Variants in ABCC12 observed in about 807,000 individuals in gnomAD.
The protein encoded by ABCC12 is ATP binding cassette subfamily C member 12.
A neutral mutation model predicts 151.1 loss-of-function variants in ABCC12; 142 were observed. That is an observed-to-expected ratio of 0.94 (90% CI 0.82 to 1.08). The LOEUF (loss-of-function observed/expected upper bound fraction) is 1.08. Among genes scored for constraint, ABCC12 ranks in the 50% least tolerant of loss-of-function variants. The pLI is 0.00. For missense variants in ABCC12, 1,638 were observed against 1,691.1 expected (o/e 0.97, Z 0.55); for synonymous variants, 645 against 646.4 (o/e 1.00, Z 0.03).
At chr16:48,131,015 A>C in intron 9 of ABCC12, 120 bp from the exon 10 acceptor site, 1 of 676,870 alleles carries the variant, frequency 1.5e-6, no homozygotes, top group East Asian at 2.7e-5. Context: ...TGGAATGTGC[A>C]GAGGAACAAT....
At chr16:48,142,115 C>T (rs1964837113) in intron 4 of ABCC12, among the ~76,000 whole-genome samples, 1 of 152,082 alleles carries the variant, frequency 6.6e-6, no homozygotes, top group Non-Finnish European at 1.5e-5. Context: ...AGTTTTCGGG[C>T]TTGGCCAACT....
rs755407113 is a variant in ABCC12 at position 48,108,483 on chromosome 16, G to A, written c.2328C>T (p.Thr776=). 7.4e-6 allele frequency: 12 copies of A among 1,614,010 alleles called. No individual in the cohort carries two copies. The highest frequency in any genetic ancestry group is 4.4e-5 in the South Asian group (4 of 91,080). The change falls in exon 19 of 31, where the codon ACC becomes ACT. Residue 776 remains threonine, a synonymous_variant. Coordinates refer to ENST00000311303, the MANE Select transcript of ABCC12 (RefSeq NM_001393797.1). ...LIQTESPQEG[T]VTWKTYHTYI... ...ACGTGTGATATGTTTTCCAGGTCAC[G>A]GTTCCTTCCTGGGGGGATTCAGTCT... is the stretch of plus-strand genomic sequence containing the variant.
chr16:48,121,716 C>A lies in ABCC12; in HGVS notation c.1712G>T (p.Arg571Met). The change falls in exon 13 of 31, where the codon AGG becomes ATG. Residue 571 changes from arginine to methionine, a missense_variant and splice_region_variant. Coordinates refer to ENST00000311303, the MANE Select transcript of ABCC12 (RefSeq NM_001393797.1). ...CTCCTGCTTTAAAAGTTAATATTACCTTTGGTGATCATACTTTTCTCCAAA... is the reference window on the plus strand; with the variant it reads ...CTCCTGCTTTAAAAGTTAATATTACATTTGGTGATCATACTTTTCTCCAAA... ...ILFGEKYDHQ[R>M]YQHTVRVCGL... 6 of 1,614,072 alleles carry A rather than the reference C, an allele frequency of 3.7e-6. No homozygotes were observed. Among genetic ancestry groups the A allele is most frequent in the Non-Finnish European group, 5.1e-6 (6 of 1,180,010 alleles).
chr16:48,126,389 G>C (rs989354010), intron 11 of ABCC12, among the ~76,000 whole-genome samples: 4 of 152,260 alleles, frequency 2.6e-5, no homozygotes, highest in Admixed American at 1.3e-4. Context: ...CAGGAGCTGG[G>C]CTTCGGGATA....
chr16:48,117,502 C>T lies in ABCC12; in HGVS notation c.1713-169G>A, dbSNP rs115470165. 1.9e-3 allele frequency among the ~76,000 whole-genome samples: 286 copies of T among 152,322 alleles called. 1 individual carries two copies. The highest frequency in any genetic ancestry group is 6.5e-3 in the African/African-American group (269 of 41,572). On this transcript the variant is annotated intron_variant, in intron 13 of 30. Coordinates refer to ENST00000311303, the MANE Select transcript of ABCC12 (RefSeq NM_001393797.1). ...TCTGCCTTCAATGACCCAAGGGTAG[C>T]GTCCCAGTGACCACTGGCCCCTCCC...
In ABCC12 at chr16:48,133,899, T is replaced by C; in HGVS notation, c.980-64A>G. 3.1e-6 allele frequency: 5 copies of C among 1,592,002 alleles called. No individual in the cohort carries two copies. The South Asian group carries it at 4.5e-5, about 14-fold the overall frequency. On this transcript the variant is annotated intron_variant, in intron 8 of 30. Coordinates refer to ENST00000311303, the MANE Select transcript of ABCC12 (RefSeq NM_001393797.1). ...CATGTCGAACACTAGCATTATGAAA[T>C]GTATTAGCCCTACTTGGTCCTCTTC... is the stretch of plus-strand genomic sequence containing the variant.
chr16:48,088,231 G>T (rs1035367680), intron 26 of ABCC12, 146 bp from the exon 27 acceptor site: 6 of 1,003,830 alleles, frequency 6.0e-6, no homozygotes, highest in Non-Finnish European at 8.7e-6. Flanking sequence ...TCACCAGGGT[G>T]GGGGTGGAGG....
intron 5 of ABCC12, 25 bp downstream of exon 5, chr16:48,141,181 G>T: frequency 6.2e-7 from 1 of 1,609,972 alleles, no homozygotes; most frequent in South Asian, 1.1e-5. Context: ...CCTAGCAGAT[G>T]AGGAGGAAGG....
chr16:48,096,131 T>C (rs1244267818), intron 24 of ABCC12, among the ~76,000 whole-genome samples: 1 of 152,228 alleles, frequency 6.6e-6, no homozygotes, highest in Non-Finnish European at 1.5e-5. Context: ...CAATGCCGTA[T>C]GTTCACCTAT....
intron 12 of ABCC12, among the ~76,000 whole-genome samples, chr16:48,122,279 C>T (rs1964098233): frequency 1.3e-5 from 2 of 152,354 alleles, no homozygotes; most frequent in African/African-American, 4.8e-5. Context: ...GGCCTTGGCA[C>T]ACCCCATCTT....
Position 48,083,525 on chromosome 16 carries a change from C to A in ABCC12, c.*190G>T. ...CCCCGGTTCACCACCCAGAACCAAC[C>A]CCAAGCCCACCAAGTGGGGTGACAT... On this transcript the variant is annotated 3_prime_UTR_variant, in exon 31 of 31. Transcript: ENST00000311303. 3.0e-6 allele frequency: 2 copies of A among 670,616 alleles called. No individual in the cohort carries two copies. The highest frequency in any genetic ancestry group is 5.1e-6 in the Non-Finnish European group (2 of 394,008). 41.5% of individuals were successfully genotyped at this position (670,616 alleles called of 1,614,324 possible). A position where few individuals can be genotyped will look rare whatever the true frequency, so the allele number is the denominator to read the frequency against.
Position 48,108,346 on chromosome 16 carries a change from T to C in ABCC12, c.2371+94A>G, listed in dbSNP as rs527549475. On this transcript the variant is annotated intron_variant, in intron 19 of 30. Transcript: ENST00000311303. ...AATGGCCCTAGCATAAACAGAATAATTGTTAAAGAAATCATAAAACGTGAA... is the reference window on the plus strand; with the variant it reads ...AATGGCCCTAGCATAAACAGAATAACTGTTAAAGAAATCATAAAACGTGAA... 5 of 1,187,852 alleles carry C rather than the reference T, an allele frequency of 4.2e-6. No individual in the cohort carries two copies. The African/African-American group carries it at 6.1e-5, about 14-fold the overall frequency. The allele number at this position is 1,187,852 out of a possible 1,614,324, so 73.6% of individuals were successfully genotyped here.
At chr16:48,088,843 T>A in intron 25 of ABCC12, 109 bp from the exon 26 acceptor site, 1 of 943,158 alleles carries the variant, frequency 1.1e-6, no homozygotes, top group Non-Finnish European at 1.5e-6. Flanking sequence ...TTCATGGTGG[T>A]GAAATAAACC....
chr16:48,087,863 G>C, intron 27 of ABCC12, 63 bp downstream of exon 27: 1 of 1,558,824 alleles, frequency 6.4e-7, no homozygotes, highest in Non-Finnish European at 8.7e-7. Flanking sequence ...ACATCACAAA[G>C]TTCTTGGTCA....
intron 2 of ABCC12, among the ~76,000 whole-genome samples, chr16:48,147,776 T>G (rs1241896967): frequency 6.6e-6 from 1 of 152,188 alleles, no homozygotes; most frequent in Non-Finnish European, 1.5e-5. Context: ...TGGAATAATA[T>G]ACGTACTTTT....
chr16:48,140,693 A>C lies in ABCC12; in HGVS notation c.651T>G (p.Val217=), dbSNP rs569161713. 1.2e-6 allele frequency: 2 copies of C among 1,614,024 alleles called. No individual in the cohort carries two copies. The highest frequency in any genetic ancestry group is 4.5e-5 in the East Asian group (2 of 44,874). Residue 217 remains valine (V), a synonymous_variant, in exon 6 of 31, where the codon GTT becomes GTG. Coordinates refer to ENST00000311303, the MANE Select transcript of ABCC12 (RefSeq NM_001393797.1). ...VSFKTLTHIS[V]GEVLNILSSD... is the part of the protein sequence containing the mutation. ...CTCCTCTGAGCCAGCTTACCTCGCC[A>C]ACAGAGATGTGGGTCAATGTCTTGA...
At position 48,104,299 on chromosome 16, in the gene ABCC12, C is replaced by T. The variant is rs1963408544; in HGVS notation, c.2743G>A (p.Asp915Asn). The change falls in exon 22 of 31, where the codon GAT (aspartate) becomes AAT (asparagine). Residue 915 changes from aspartate to asparagine, a missense_variant. Transcript: ENST00000311303. ...TGRLMNRFSK[D>N]MDELDVRLPF... ...AGCCTCACATCCAGCTCGTCCATAT[C>T]CTTGGAAAAACGGTTCATTAGCCTG... The T allele has an allele frequency of 3.1e-6, 5 of 1,614,246 alleles. No homozygotes were observed. Among genetic ancestry groups the T allele is most frequent in the Non-Finnish European group, 4.2e-6 (5 of 1,180,038 alleles).
In ABCC12 at chr16:48,111,493, T is replaced by A; in HGVS notation, c.2224A>T (p.Asn742Tyr). ...DAGIIVLAPG[N>Y]EKDEGKESET... is the part of the protein sequence containing the mutation. The stretch of plus-strand genomic sequence containing the variant: ...GATTCTTTTCCTTCATCTTTCTCAT[T>A]TCCTGGAGCCAAAACTAGGGTGAGA... Residue 742 changes from asparagine to tyrosine, a missense_variant, in exon 18 of 31, where the codon AAT (asparagine) becomes TAT (tyrosine). Asn to Tyr is a moderately radical substitution (Grantham distance 143). Transcript: ENST00000311303. The A allele has an allele frequency of 6.2e-7, 1 of 1,614,154 alleles. No homozygotes were observed. Among genetic ancestry groups the A allele is most frequent in the Admixed American group, 1.7e-5 (1 of 60,020 alleles).
rs756690220 is a variant in ABCC12 at position 48,085,637 on chromosome 16, G to A, written c.3784C>T (p.Arg1262Cys). The A allele has an allele frequency of 2.2e-5, 36 of 1,613,982 alleles. No individual in the cohort carries two copies. The highest frequency in any genetic ancestry group is 5.5e-5 in the South Asian group (5 of 91,080). Residue 1262 changes from arginine (R) to cysteine (C), a missense_variant, in exon 29 of 31, where the codon CGT becomes TGT. Arg to Cys is a radical substitution (Grantham distance 180). Coordinates refer to ENST00000311303, the MANE Select transcript of ABCC12 (RefSeq NM_001393797.1). ...GCTCGGGCCACACAAAGCAGCTGAC[G>A]TTCCCCTACTGAGAAGTTTTCTCCA... ...ENGENFSVGE[R>C]QLLCVARALL... is the part of the protein sequence containing the mutation.
Sources: allele counts gnomAD v4.1 joint callset (sites outside exome capture counted in the v4.1 genomes callset), GRCh38; gene constraint gnomAD v4.1.1; transcripts MANE v1.5; gene names NCBI Gene and HGNC (gene_info 2026-07-23, HGNC 2026-07-21).